MIPEP: variants seen among roughly 807,000 people sequenced by gnomAD.
MIPEP encodes the protein mitochondrial intermediate peptidase.
MIPEP carries 79 observed loss-of-function variants against 90.3 expected under a neutral mutation model. That is an observed-to-expected ratio of 0.87 (90% CI 0.73 to 1.05). The LOEUF (loss-of-function observed/expected upper bound fraction) is 1.05, where lower values mean the gene tolerates loss of function less well. Ranked by LOEUF, MIPEP falls within the 50% of genes least tolerant of loss-of-function variation. MIPEP has a pLI of 0.00. For synonymous variants in MIPEP, 334 were observed against 315.8 expected (o/e 1.06, Z -0.61); for missense variants, 940 against 905.6 (o/e 1.04, Z -0.49).
At chr13:23,875,761 C>T (rs777504323) in intron 4 of MIPEP, among the ~76,000 whole-genome samples, 3 of 152,080 alleles carry the variant, frequency 2.0e-5, no homozygotes, top group African/African-American at 4.8e-5. Context: ...ACATATGAAA[C>T]ATTTAAAATC....
chr13:23,818,246 G>A (rs1953264257), intron 14 of MIPEP, among the ~76,000 whole-genome samples: 1 of 141,044 alleles, frequency 7.1e-6, no homozygotes, highest in African/African-American at 2.8e-5. Context: ...GTGAAACCCT[G>A]TATCTACTTA....
At chr13:23,807,552 TAC>T (rs902332476) in intron 15 of MIPEP, among the ~76,000 whole-genome samples, 1 of 152,190 alleles carries the variant, frequency 6.6e-6, no homozygotes, top group African/African-American at 2.4e-5. Flanking sequence ...CCTAGAAAAA[TAC>T]AGACATTTCC....
At chr13:23,837,868 CTTAA>C (rs1869126765) in intron 12 of MIPEP, 112 bp from the exon 13 acceptor site, 2 of 704,984 alleles carry the variant, frequency 2.8e-6, no homozygotes, top group Admixed American at 2.7e-5. Flanking sequence ...CAAACTTTAA[CTTAA>C]TTATATTCTT....
chr13:23,858,934 T>A, intron 9 of MIPEP, 22 bp from the exon 10 acceptor site: 1 of 1,606,036 alleles, frequency 6.2e-7, no homozygotes, highest in Non-Finnish European at 8.5e-7. Flanking sequence ...TAATTCACTG[T>A]TAAGGAAAGC....
chr13:23,733,870 G>A (rs1406908559), intron 18 of MIPEP, among the ~76,000 whole-genome samples: 1 of 152,204 alleles, frequency 6.6e-6, no homozygotes, highest in Non-Finnish European at 1.5e-5. Flanking sequence ...TCATTGCTGT[G>A]TCTATTTGTG....
At chr13:23,742,317 A>C (rs1157957617) in intron 18 of MIPEP, among the ~76,000 whole-genome samples, 1 of 152,078 alleles carries the variant, frequency 6.6e-6, no homozygotes, top group African/African-American at 2.4e-5. Flanking sequence ...TGGTTAGAGC[A>C]AGGGTTTAGT....
intron 16 of MIPEP, among the ~76,000 whole-genome samples, chr13:23,765,614 T>C (rs1952584918): frequency 6.6e-6 from 1 of 152,218 alleles, no homozygotes; most frequent in Non-Finnish European, 1.5e-5. Flanking sequence ...CTCTGATGTG[T>C]GTTATAAACT....
intron 1 of MIPEP, chr13:23,888,788 G>C: frequency 9.5e-7 from 1 of 1,056,838 alleles, no homozygotes; most frequent in Non-Finnish European, 1.1e-6. Flanking sequence ...GAGCTAAAGG[G>C]CTTTAGCAGG....
intron 9 of MIPEP, among the ~76,000 whole-genome samples, chr13:23,859,399 A>C (rs1870191213): frequency 6.6e-6 from 1 of 152,248 alleles, no homozygotes; most frequent in Admixed American, 6.5e-5. Flanking sequence ...TAATCTTGGC[A>C]AAGAAAATAT....
intron 16 of MIPEP, among the ~76,000 whole-genome samples, chr13:23,792,760 T>C (rs1018096646): frequency 6.6e-6 from 1 of 152,194 alleles, no homozygotes; most frequent in Non-Finnish European, 1.5e-5. Context: ...ACATTCCATC[T>C]GTCAGTCCTC....
At chr13:23,887,731 T>C (rs1871566206) in intron 1 of MIPEP, among the ~76,000 whole-genome samples, 1 of 152,230 alleles carries the variant, frequency 6.6e-6, no homozygotes, top group African/African-American at 2.4e-5. Context: ...CGCATAGATT[T>C]TCAGAAATAC....
At chr13:23,786,185 C>A (rs961987778) in intron 16 of MIPEP, among the ~76,000 whole-genome samples, 1 of 151,082 alleles carries the variant, frequency 6.6e-6, no homozygotes, top group African/African-American at 2.4e-5. Flanking sequence ...CATGACTAAG[C>A]CCCTGCATGC....
intron 15 of MIPEP, 70 bp from the exon 16 acceptor site, chr13:23,806,139 T>C (rs754193035): frequency 1.5e-5 from 23 of 1,493,738 alleles, no homozygotes; most frequent in Non-Finnish European, 2.0e-5. Flanking sequence ...TGACCAAAGA[T>C]GCTATAAGTG....
At chr13:23,835,368 G>T (rs1868989581) in intron 14 of MIPEP, among the ~76,000 whole-genome samples, 1 of 151,928 alleles carries the variant, frequency 6.6e-6, no homozygotes, top group Non-Finnish European at 1.5e-5. Flanking sequence ...AAAAAAAAAT[G>T]ACCAAATAAT....
At chr13:23,750,444 T>C (rs1268490959) in intron 18 of MIPEP, among the ~76,000 whole-genome samples, 1 of 152,246 alleles carries the variant, frequency 6.6e-6, no homozygotes, top group African/African-American at 2.4e-5. Context: ...CTTAGGCAGT[T>C]TGCAGAATGT....
intron 16 of MIPEP, among the ~76,000 whole-genome samples, chr13:23,772,156 G>C (rs1426367114): frequency 6.6e-6 from 1 of 152,148 alleles, no homozygotes; most frequent in Non-Finnish European, 1.5e-5. Flanking sequence ...GTTACCACCT[G>C]TATTTTGTTC....
intron 7 of MIPEP, among the ~76,000 whole-genome samples, chr13:23,868,327 A>G (rs1456388025): frequency 1.9e-4 from 29 of 152,216 alleles, no homozygotes; most frequent in Admixed American, 1.9e-3. Flanking sequence ...ACACGCCTGT[A>G]GCTTAACCGA....
At chr13:23,810,211 C>T (rs1322457735) in intron 14 of MIPEP, among the ~76,000 whole-genome samples, 1 of 152,162 alleles carries the variant, frequency 6.6e-6, no homozygotes, top group African/African-American at 2.4e-5. Context: ...CTATTTAAAA[C>T]CTCAAAGGGA....
At chr13:23,845,189 T>A (rs1315024746) in intron 10 of MIPEP, among the ~76,000 whole-genome samples, 6 of 152,230 alleles carry the variant, frequency 3.9e-5, no homozygotes, top group African/African-American at 1.4e-4. Flanking sequence ...ATATTTTTCA[T>A]AAAAATATAA....
Sources: gnomAD v4.1 joint callset for allele counts (sites outside exome capture counted in the v4.1 genomes callset) on GRCh38, gnomAD v4.1.1 for gene constraint, MANE v1.5 for transcripts, NCBI Gene and HGNC (gene_info 2026-07-23, HGNC 2026-07-21) for gene names.